ABCA13: variants seen among roughly 807,000 people sequenced by gnomAD.
ABCA13 encodes the protein ATP binding cassette subfamily A member 13, also known as ATP-binding cassette sub-family A member 13.
Under a neutral mutation model 478.7 loss-of-function variants are expected in ABCA13, and 476 were observed. The ratio of observed to expected loss-of-function variants is 0.99; its 90% CI spans 0.92 to 1.07. The LOEUF (loss-of-function observed/expected upper bound fraction) is 1.07, where lower values mean the gene tolerates loss of function less well. Ranked by LOEUF, ABCA13 falls within the 50% of genes least tolerant of loss-of-function variation. The pLI, the probability that ABCA13 is intolerant of heterozygous loss-of-function variation, is 0.00. For synonymous variants in ABCA13, 2,252 were observed against 2,158.9 expected, an observed-to-expected ratio of 1.04 and a Z score of -1.20; for missense variants, 6,060 against 5,910.6, an observed-to-expected ratio of 1.03 and a Z score of -0.83.
chr7:48,440,725 G>GAT (rs753833964), intron 42 of ABCA13, among the ~76,000 whole-genome samples: 6 of 151,248 alleles, frequency 4.0e-5, no homozygotes, highest in Non-Finnish European at 5.9e-5. Context: ...CTCTATATAG[G>GAT]ATATATATAT....
chr7:48,285,866 T>C (rs1797665525), intron 19 of ABCA13, among the ~76,000 whole-genome samples: 1 of 152,236 alleles, frequency 6.6e-6, no homozygotes, highest in Non-Finnish European at 1.5e-5. Context: ...TGACACATTT[T>C]ATATTTCCTA....
chr7:48,511,159 A>G lies in ABCA13; in HGVS notation c.13600A>G (p.Lys4534Glu), dbSNP rs2130904186. The change falls in exon 51 of 62, where the codon AAG becomes GAG. Residue 4534 changes from lysine (K) to glutamate (E), a missense_variant. Lys to Glu is a moderately conservative substitution (Grantham distance 56). Transcript: ENST00000435803. ...AFQLTAFTFRKNLAATALLLS... is the reference protein window; with the variant it reads ...AFQLTAFTFRENLAATALLLS... Reference sequence around the variant, plus strand: ...CCAGTTAACAGCTTTTACTTTCCGCAAGAACTTGGCAGCCACGGCCCTCCT... The same window carrying G: ...CCAGTTAACAGCTTTTACTTTCCGCGAGAACTTGGCAGCCACGGCCCTCCT... 2 of 1,613,534 alleles carry G rather than the reference A, an allele frequency of 1.2e-6. No homozygotes were observed. Among genetic ancestry groups the G allele is most frequent in the South Asian group, 1.1e-5 (1 of 91,034 alleles).
intron 32 of ABCA13, among the ~76,000 whole-genome samples, chr7:48,370,636 G>T (rs1812484912): frequency 6.6e-6 from 1 of 152,136 alleles, no homozygotes; most frequent in Admixed American, 6.6e-5. Context: ...GCTCCTGAAT[G>T]GTTGTTGGGT....
intron 2 of ABCA13, 114 bp from the exon 3 acceptor site, chr7:48,198,123 A>G: frequency 9.0e-7 from 1 of 1,111,990 alleles, no homozygotes; most frequent in Non-Finnish European, 1.2e-6. Context: ...TTAAATTAAT[A>G]GCAAGGTTAA....
At chr7:48,283,407 G>A (rs1049200035) in intron 19 of ABCA13, among the ~76,000 whole-genome samples, 1 of 152,130 alleles carries the variant, frequency 6.6e-6, no homozygotes, top group African/African-American at 2.4e-5. Flanking sequence ...GTGAGAGTGA[G>A]GGGTGGAGGA....
At chr7:48,240,513 TA>T (rs1219272763) in intron 9 of ABCA13, among the ~76,000 whole-genome samples, 2 of 152,240 alleles carry the variant, frequency 1.3e-5, no homozygotes, top group Non-Finnish European at 2.9e-5. Context: ...GGTATATATT[TA>T]AAAATATGCA....
At chr7:48,400,078 C>T (rs773154392) in intron 38 of ABCA13, among the ~76,000 whole-genome samples, 2 of 151,664 alleles carry the variant, frequency 1.3e-5, no homozygotes, top group African/African-American at 2.4e-5. Context: ...ACTGTTCAAG[C>T]ATCCCCACTT....
chr7:48,587,416 TG>T lies in ABCA13; in HGVS notation c.14640+129del, dbSNP rs1340365485. On this transcript the variant is annotated intron_variant, in intron 57 of 61. Transcript: ENST00000435803. ...AAGCTGGTTCTACAAACTAGTAAAC[TG>T]TTTTGCCATAAGCCAGCATTTCCCA... 1.1e-5 allele frequency: 12 copies of T among 1,081,754 alleles called. No homozygotes were observed. In the East Asian group the frequency reaches 3.3e-4, roughly 30 times the overall value. 67.0% of individuals were successfully genotyped at this position (1,081,754 alleles called of 1,614,324 possible). A position where few individuals can be genotyped will look rare whatever the true frequency, so the allele number is the denominator to read the frequency against.
chr7:48,600,519 T>G (rs886095037), intron 58 of ABCA13, among the ~76,000 whole-genome samples: 10 of 152,170 alleles, frequency 6.6e-5, no homozygotes, highest in African/African-American at 2.4e-4. Flanking sequence ...GCCTTATATA[T>G]TAAATGAATA....
intron 48 of ABCA13, among the ~76,000 whole-genome samples, chr7:48,501,777 A>G (rs964040863): frequency 7.9e-5 from 12 of 152,038 alleles, no homozygotes; most frequent in African/African-American, 2.9e-4. Flanking sequence ...GTCATAGTTG[A>G]GGTTTTCATT....
At chr7:48,496,870 T>C (rs1217454372) in intron 48 of ABCA13, among the ~76,000 whole-genome samples, 2 of 152,126 alleles carry the variant, frequency 1.3e-5, no homozygotes, top group African/African-American at 4.8e-5. Flanking sequence ...TGTTGACTTA[T>C]TAGTTTCTAG....
chr7:48,639,966 A>C (rs1794987938), intron 59 of ABCA13, among the ~76,000 whole-genome samples: 2 of 152,198 alleles, frequency 1.3e-5, no homozygotes, highest in African/African-American at 4.8e-5. Flanking sequence ...TTTAGAATTC[A>C]AAATAGTATA....
chr7:48,608,547 T>G (rs1274487870), intron 58 of ABCA13, among the ~76,000 whole-genome samples: 3 of 152,232 alleles, frequency 2.0e-5, no homozygotes, highest in Non-Finnish European at 4.4e-5. Context: ...GGAATTGGCT[T>G]TTTCTGTTTG....
chr7:48,602,765 A>G (rs12111866), intron 58 of ABCA13, among the ~76,000 whole-genome samples: 6,452 of 152,100 alleles, frequency 0.042, 437 homozygotes, highest in African/African-American at 0.15. Context: ...TTCTGTGAAG[A>G]AAGTCAGTGG....
At chr7:48,573,113 C>T (rs544456223) in intron 55 of ABCA13, among the ~76,000 whole-genome samples, 21 of 151,930 alleles carry the variant, frequency 1.4e-4, no homozygotes, top group Non-Finnish European at 2.5e-4. Flanking sequence ...TGTTTCTATT[C>T]ATTACTATGT....
intron 42 of ABCA13, among the ~76,000 whole-genome samples, chr7:48,428,745 T>C (rs774112034): frequency 4.6e-5 from 7 of 152,238 alleles, no homozygotes; most frequent in Non-Finnish European, 7.3e-5. Context: ...ATTTGCATTC[T>C]CCTAATGATT....
chr7:48,371,877 G>A (rs1254289625), intron 32 of ABCA13, among the ~76,000 whole-genome samples: 1 of 152,166 alleles, frequency 6.6e-6, no homozygotes, highest in Non-Finnish European at 1.5e-5. Context: ...AGTTTTTAAG[G>A]GGAATGCTTC....
rs1366033404 is a variant in ABCA13 at position 48,278,952 on chromosome 7, G to C, written c.7758G>C (p.Lys2586Asn). 4 of 1,613,408 alleles carry C rather than the reference G, an allele frequency of 2.5e-6. No homozygotes were observed. The highest frequency in any genetic ancestry group is 3.4e-6 in the Non-Finnish European group (4 of 1,179,820). Reference sequence around the variant, plus strand: ...AAATAGATCATTTCACATTTGAAAAGATAAATGATTTGTTGGTGCCATTTC... The same window carrying C: ...AAATAGATCATTTCACATTTGAAAACATAAATGATTTGTTGGTGCCATTTC... ...LKKIDHFTFE[K>N]INDLLVPFLD... is the part of the protein sequence containing the mutation. Residue 2586 changes from lysine to asparagine, a missense_variant, in exon 18 of 62, where the codon AAG becomes AAC. Lys to Asn is a moderately conservative substitution (Grantham distance 94, BLOSUM62 0). This residue lies in a region of ABCA13 where 4,423 missense variants were observed against 4,309.1 expected (regional missense o/e 1.03). Transcript: ENST00000435803.
chr7:48,388,982 A>C, intron 36 of ABCA13, 58 bp from the exon 37 acceptor site: 1 of 1,542,176 alleles, frequency 6.5e-7, no homozygotes, highest in Non-Finnish European at 8.9e-7. Context: ...AATAAATATG[A>C]GCATTATTTT....
Sources: gnomAD v4.1 joint callset for allele counts (sites outside exome capture counted in the v4.1 genomes callset) on GRCh38, gnomAD v4.1.1 for gene constraint, gnomAD v4.1.1 regional missense constraint, MANE v1.5 for transcripts, NCBI Gene and HGNC (gene_info 2026-07-23, HGNC 2026-07-21) for gene names.